PRRX2: variants seen among roughly 807,000 people sequenced by gnomAD.
PRRX2 encodes paired related homeobox 2, also known as paired mesoderm homeobox protein 2.
A neutral mutation model predicts 18.0 loss-of-function variants in PRRX2; 11 were observed. The ratio of observed to expected loss-of-function variants is 0.61; its 90% CI spans 0.39 to 1.01. The LOEUF (loss-of-function observed/expected upper bound fraction) is 1.01, where lower values mean the gene tolerates loss of function less well. Among genes scored for constraint, PRRX2 ranks in the 50% least tolerant of loss-of-function variants. The probability of loss-of-function intolerance (pLI) is 0.01; values close to 1 mark genes in which losing one functional copy is unlikely to be tolerated. For synonymous variants in PRRX2, 177 were observed against 154.8 expected (o/e 1.14, Z -1.06); for missense variants, 387 against 351.0 (o/e 1.10, Z -0.82).
At chr9:129,683,562 T>C (rs997115378) in intron 1 of PRRX2, among the ~76,000 whole-genome samples, 12 of 151,978 alleles carry the variant, frequency 7.9e-5, no homozygotes, top group Non-Finnish European at 5.9e-5. Flanking sequence ...GGTGAAACCC[T>C]GTCTCTACTA....
At chr9:129,719,993 T>TAAATAAAC (rs1554725571) in intron 2 of PRRX2, among the ~76,000 whole-genome samples, 3 of 151,992 alleles carry the variant, frequency 2.0e-5, no homozygotes, top group African/African-American at 7.2e-5. Flanking sequence ...TCTCAATAAA[T>TAAATAAAC]AAACAAACAA....
At chr9:129,677,220 G>T (rs758538256) in intron 1 of PRRX2, among the ~76,000 whole-genome samples, 2 of 152,232 alleles carry the variant, frequency 1.3e-5, no homozygotes, top group Non-Finnish European at 2.9e-5. Context: ...GCCAGTCTCC[G>T]AGCTCTAGGA....
At chr9:129,721,322 A>C (rs1832788960) in intron 3 of PRRX2, among the ~76,000 whole-genome samples, 1 of 152,120 alleles carries the variant, frequency 6.6e-6, no homozygotes, top group Admixed American at 6.5e-5. Flanking sequence ...GTTCTGGGGC[A>C]GTTTTGTCTG....
chr9:129,720,802 G>A, intron 3 of PRRX2, 28 bp downstream of exon 3: 1 of 1,519,486 alleles, frequency 6.6e-7, no homozygotes. Context: ...TTTGGGCCAG[G>A]AAGGGGCAGC....
intron 1 of PRRX2, among the ~76,000 whole-genome samples, chr9:129,691,492 A>G (rs528146653): frequency 6.6e-6 from 1 of 152,028 alleles, no homozygotes; most frequent in Non-Finnish European, 1.5e-5. Flanking sequence ...AATACCACAC[A>G]CTGGTGGGCT....
At chr9:129,718,840 G>T (rs1460606345) in intron 1 of PRRX2, among the ~76,000 whole-genome samples, 1 of 152,284 alleles carries the variant, frequency 6.6e-6, no homozygotes, top group East Asian at 1.9e-4. Context: ...CCTGGGCCGG[G>T]TGCTGGGGAC....
In PRRX2 at chr9:129,705,755, CCG is replaced by C. The variant is rs1413378123; in HGVS notation, c.260-13475_260-13474del. On this transcript the variant is annotated intron_variant, in intron 1 of 3. Coordinates refer to ENST00000372469, the MANE Select transcript of PRRX2 (RefSeq NM_016307.4). ...GCTACCGTTAGCCTGCTGCTGTGAC[CCG>C]GCCGCATGGGGACATTCTGTGCGAG... 1.5e-3 allele frequency among the ~76,000 whole-genome samples: 225 copies of C among 152,190 alleles called. 1 individual carries two copies. The highest frequency in any genetic ancestry group is 5.2e-3 in the African/African-American group (216 of 41,546).
rs762929485 is a variant in PRRX2 at position 129,715,750 on chromosome 9, T to TCTCTCTCTCTCACACACA, written c.260-3480_260-3479insTCTCTCTCTCACACACAC. On this transcript the variant is annotated intron_variant, in intron 1 of 3. Transcript: ENST00000372469. This position sits in a 1 kb window ranked among gnomAD's most constrained non-coding sequence, Gnocchi z 4.0. ...AAACCCAGCTTCAGGGACATCTTTC[T>TCTCTCTCTCTCACACACA]CACACACACACACACACACACACAC... Among the ~76,000 whole-genome samples the TCTCTCTCTCTCACACACA allele has an allele frequency of 2.3e-4, 32 of 138,952 alleles. No homozygotes were observed. Among genetic ancestry groups the TCTCTCTCTCTCACACACA allele is most frequent in the African/African-American group, 8.1e-4 (30 of 36,916 alleles). The allele number at this position is 138,952 out of a possible 152,430, so 91.2% of individuals were successfully genotyped here. A position where few individuals can be genotyped will look rare whatever the true frequency, so the allele number is the denominator to read the frequency against.
chr9:129,666,175 C>CGGGGCG, intron 1 of PRRX2, 49 bp downstream of exon 1: 1 of 830,646 alleles, frequency 1.2e-6, no homozygotes, highest in African/African-American at 2.0e-5. Context: ...GGGCCGGGGC[C>CGGGGCG]GGGGCCGGGG....
intron 1 of PRRX2, among the ~76,000 whole-genome samples, chr9:129,684,532 A>ACACACCCC (rs1165343797): frequency 5.0e-5 from 7 of 140,370 alleles, no homozygotes; most frequent in African/African-American, 1.1e-4. Flanking sequence ...ACCCACACAC[A>ACACACCCC]CCCCAACAGA....
At chr9:129,707,657 G>A (rs561869419) in intron 1 of PRRX2, among the ~76,000 whole-genome samples, 7 of 152,070 alleles carry the variant, frequency 4.6e-5, no homozygotes, top group East Asian at 3.9e-4. Context: ...CCGGTACGGT[G>A]ATGTGCGCCT....
intron 1 of PRRX2, among the ~76,000 whole-genome samples, chr9:129,684,482 TCACACACACACA>T (rs71385454): frequency 9.2e-5 from 4 of 43,298 alleles, no homozygotes; most frequent in East Asian, 9.6e-4. Context: ...ATACCAGAAA[TCACACACACACA>T]CACACACACA....
chr9:129,721,978 C>T lies in PRRX2; in HGVS notation c.627-239C>T, dbSNP rs137985328. ...GCATGGAGGGGGGCATGGACCAACC[C>T]AGGCCCTGCTGTCAGGAAGCTCATG... On this transcript the variant is annotated intron_variant, in intron 3 of 3. Transcript: ENST00000372469. Among the ~76,000 whole-genome samples, 797 of 152,232 alleles carry T rather than the reference C, an allele frequency of 5.2e-3. 5 individuals are homozygous for T. The highest frequency in any genetic ancestry group is 0.018 in the African/African-American group (756 of 41,544).
chr9:129,707,983 T>C (rs372978668), intron 1 of PRRX2, among the ~76,000 whole-genome samples: 12 of 152,044 alleles, frequency 7.9e-5, no homozygotes, highest in African/African-American at 2.9e-4. Flanking sequence ...CCACCAGCAG[T>C]GTATGAGGGT....
chr9:129,667,402 T>A (rs769871305), intron 1 of PRRX2, among the ~76,000 whole-genome samples: 1 of 152,152 alleles, frequency 6.6e-6, no homozygotes, highest in Admixed American at 6.5e-5. Context: ...CCAAGGTCAT[T>A]TGAGGACCTC....
At chr9:129,669,769 C>G (rs1276362384) in intron 1 of PRRX2, among the ~76,000 whole-genome samples, 1 of 152,084 alleles carries the variant, frequency 6.6e-6, no homozygotes, top group Non-Finnish European at 1.5e-5. Flanking sequence ...GGGCTCAGCT[C>G]AGGGCCTGAG....
chr9:129,710,517 AG>A (rs1832606003), intron 1 of PRRX2, among the ~76,000 whole-genome samples: 1 of 152,174 alleles, frequency 6.6e-6, no homozygotes, highest in Non-Finnish European at 1.5e-5. Flanking sequence ...GTGGACCACA[AG>A]GTCAAGAGAT....
In PRRX2 at chr9:129,709,479, A is replaced by G. The variant is rs1040842258; in HGVS notation, c.260-9752A>G. Among the ~76,000 whole-genome samples, 4 of 152,154 alleles carry G rather than the reference A, an allele frequency of 2.6e-5. No individual in the cohort carries two copies. Among genetic ancestry groups the G allele is most frequent in the African/African-American group, 9.6e-5 (4 of 41,452 alleles). ...GCAGCCACACTGGCTACCGGCCCCC[A>G]GGGCTGGGAGCAGGTCAGAGCACGG... On this transcript the variant is annotated intron_variant, in intron 1 of 3. Coordinates refer to ENST00000372469, the MANE Select transcript of PRRX2 (RefSeq NM_016307.4). This position sits in a 1 kb window ranked among gnomAD's most constrained non-coding sequence, Gnocchi z 4.2.
chr9:129,692,209 C>T (rs566966629), intron 1 of PRRX2, among the ~76,000 whole-genome samples: 1 of 151,294 alleles, frequency 6.6e-6, no homozygotes, highest in African/African-American at 2.4e-5. Flanking sequence ...CTCTGCCTCC[C>T]AAAGTGCTGG....
Sources: gnomAD v4.1 joint callset for allele counts (sites outside exome capture counted in the v4.1 genomes callset) on GRCh38, gnomAD v4.1.1 for gene constraint, Gnocchi (gnomAD v3.1) non-coding constraint, MANE v1.5 for transcripts, NCBI Gene and HGNC (gene_info 2026-07-23, HGNC 2026-07-21) for gene names.